The following TBCA variants were observed in gnomAD, a reference collection of about 807,000 sequenced individuals.
TBCA encodes the protein tubulin folding cofactor A.
Under a neutral mutation model 15.8 loss-of-function variants are expected in TBCA, and 6 were observed. That is an observed-to-expected ratio of 0.38 (90% CI 0.21 to 0.75). The LOEUF is 0.75. Ranked by LOEUF, TBCA falls within the 30% of genes least tolerant of loss-of-function variation. The probability of loss-of-function intolerance (pLI) is 0.46; values close to 1 mark genes in which losing one functional copy is unlikely to be tolerated. For missense variants in TBCA, 90 were observed against 131.2 expected (o/e 0.69, Z 1.53); for synonymous variants, 32 against 42.3 (o/e 0.76, Z 0.94).
chr5:77,719,391 T>C (rs1261444336), intron 1 of TBCA, among the ~76,000 whole-genome samples: 5 of 152,184 alleles, frequency 3.3e-5, no homozygotes, highest in African/African-American at 1.2e-4. Flanking sequence ...AAGAATATAC[T>C]GTGAAAAGGC....
chr5:77,750,050 G>T (rs1168686333), intron 1 of TBCA, among the ~76,000 whole-genome samples: 1 of 151,602 alleles, frequency 6.6e-6, no homozygotes, highest in Non-Finnish European at 1.5e-5. Flanking sequence ...CTCCAGGAGG[G>T]TTTCTCAGCT....
At chr5:77,751,711 CAG>C (rs1488028957) in intron 1 of TBCA, among the ~76,000 whole-genome samples, 2 of 152,184 alleles carry the variant, frequency 1.3e-5, no homozygotes, top group African/African-American at 4.8e-5. Context: ...TTCATCAAGA[CAG>C]GGGAACTGCA....
chr5:77,722,383 T>C (rs931890208), intron 1 of TBCA, among the ~76,000 whole-genome samples: 1 of 152,050 alleles, frequency 6.6e-6, no homozygotes, highest in Admixed American at 6.5e-5. Context: ...CTTTCTTTTA[T>C]AGAGGAAAAA....
chr5:77,742,604 C>T (rs916049332), intron 1 of TBCA, among the ~76,000 whole-genome samples: 2 of 152,138 alleles, frequency 1.3e-5, no homozygotes, highest in Non-Finnish European at 2.9e-5. Context: ...AGGGTAATGA[C>T]ATTTGAGAAC....
chr5:77,721,863 A>G (rs183636792), intron 1 of TBCA, among the ~76,000 whole-genome samples: 1 of 152,182 alleles, frequency 6.6e-6, no homozygotes, highest in East Asian at 1.9e-4. Context: ...TCAAAGTAAA[A>G]TGGTCATTTT....
intron 1 of TBCA, among the ~76,000 whole-genome samples, chr5:77,761,712 G>A (rs972643767): frequency 8.0e-6 from 1 of 124,470 alleles, no homozygotes; most frequent in Admixed American, 7.9e-5. Context: ...TTTTTTTTTT[G>A]GCTAGTGTAA....
intron 1 of TBCA, among the ~76,000 whole-genome samples, chr5:77,714,970 G>A (rs1746365818): frequency 6.6e-6 from 1 of 152,152 alleles, no homozygotes; most frequent in Non-Finnish European, 1.5e-5. Context: ...TTTTTAGTGG[G>A]GAAATAAAAT....
At chr5:77,697,560 T>A (rs947251813) in intron 2 of TBCA, among the ~76,000 whole-genome samples, 12 of 151,798 alleles carry the variant, frequency 7.9e-5, no homozygotes, top group African/African-American at 2.9e-4. Flanking sequence ...AAGACACAGA[T>A]AAATGGAAAT....
chr5:77,754,547 T>C (rs925904101), intron 1 of TBCA, among the ~76,000 whole-genome samples: 4 of 152,244 alleles, frequency 2.6e-5, no homozygotes, highest in Admixed American at 6.5e-5. Flanking sequence ...TTATGAAAAC[T>C]GTGACAGTCA....
At chr5:77,761,870 A>G (rs563082923) in intron 1 of TBCA, among the ~76,000 whole-genome samples, 2 of 152,232 alleles carry the variant, frequency 1.3e-5, no homozygotes, top group Non-Finnish European at 2.9e-5. Flanking sequence ...CTAAAAGAAG[A>G]CTGCAGCCAC....
At chr5:77,726,810 T>C (rs1166834484) in intron 1 of TBCA, among the ~76,000 whole-genome samples, 3 of 152,182 alleles carry the variant, frequency 2.0e-5, no homozygotes, top group Non-Finnish European at 4.4e-5. Flanking sequence ...CAGTGTTTCA[T>C]AAGCAAAATA....
At chr5:77,693,149 G>A in intron 3 of TBCA, 117 bp downstream of exon 3, 1 of 1,535,356 alleles carries the variant, frequency 6.5e-7, no homozygotes, top group Non-Finnish European at 8.7e-7. Flanking sequence ...GGTATAAAGG[G>A]CAAGTGAATA....
intron 1 of TBCA, among the ~76,000 whole-genome samples, chr5:77,722,866 G>A (rs1746555104): frequency 6.6e-6 from 1 of 151,504 alleles, no homozygotes; most frequent in Admixed American, 6.6e-5. Flanking sequence ...AAATAAAATT[G>A]GTGTTTACAT....
rs771735012 is a variant in TBCA, at chr5:77,708,269, G to A, written c.132C>T (p.Asp44=). The part of the protein sequence containing the change: ...EEKIEKMRAE[D]GENYDIKKQA... ...GCTTTTTAATGTCATAATTTTCACC[G>A]TCTTCAGCTCTCATTTTTTCAATCT... The change falls in exon 2 of 4, where the codon GAC becomes GAT. Residue 44 remains aspartate, a synonymous_variant. Transcript: ENST00000380377. The A allele has an allele frequency of 1.2e-4, 186 of 1,608,606 alleles. 1 individual carries two copies. In the East Asian group the frequency reaches 2.9e-3, roughly 25 times the overall value.
chr5:77,745,935 A>G lies in TBCA; in HGVS notation c.53+30270T>C, dbSNP rs377332068. Among the ~76,000 whole-genome samples the G allele has an allele frequency of 6.6e-5, 10 of 152,340 alleles. No individual in the cohort carries two copies. The South Asian group carries it at 1.7e-3, about 25-fold the overall frequency. ...TTTTAATTACTATGGTAACCAATTA[A>G]AAGTGTAAGAAAGATGAGCTTCTGT... On this transcript the variant is annotated intron_variant, in intron 1 of 3. Transcript: ENST00000380377.
At chr5:77,700,969 A>C (rs887569202) in intron 2 of TBCA, among the ~76,000 whole-genome samples, 2 of 152,196 alleles carry the variant, frequency 1.3e-5, no homozygotes, top group African/African-American at 2.4e-5. Context: ...TGAAAATGGA[A>C]GATAACATTG....
intron 1 of TBCA, among the ~76,000 whole-genome samples, chr5:77,712,347 A>G (rs1191159018): frequency 6.6e-6 from 1 of 152,146 alleles, no homozygotes; most frequent in African/African-American, 2.4e-5. Context: ...TTTCTGTAAT[A>G]AGGCTGAGCA....
At chr5:77,749,578 G>A (rs1747269800) in intron 1 of TBCA, among the ~76,000 whole-genome samples, 1 of 152,268 alleles carries the variant, frequency 6.6e-6, no homozygotes, top group Non-Finnish European at 1.5e-5. Context: ...CCAAAAGGCC[G>A]TGTTAACAAA....
chr5:77,766,006 C>G (rs1747767888), intron 1 of TBCA, among the ~76,000 whole-genome samples: 1 of 151,932 alleles, frequency 6.6e-6, no homozygotes, highest in Admixed American at 6.5e-5. Context: ...TACTGCATAA[C>G]TTAACAATGT....
Sources: allele counts gnomAD v4.1 joint callset (sites outside exome capture counted in the v4.1 genomes callset), GRCh38; gene constraint gnomAD v4.1.1; transcripts MANE v1.5; gene names NCBI Gene and HGNC (gene_info 2026-07-23, HGNC 2026-07-21).